The following IL36B variants were observed in gnomAD, a reference collection of about 807,000 sequenced individuals.
IL36B encodes the protein interleukin 36 beta, also known as interleukin-36 beta.
In IL36B, 23 loss-of-function variants were observed where a neutral mutation model predicts 19.3. The observed-to-expected ratio is 1.19, with a 90% CI of 0.86 to 1.69. The LOEUF is 1.69. Ranked by LOEUF, IL36B falls within the 40% of genes most tolerant of loss-of-function variation. IL36B has a pLI of 0.00. For missense variants in IL36B, 217 were observed against 200.5 expected, an observed-to-expected ratio of 1.08 and a Z score of -0.50; for synonymous variants, 59 against 59.7, an observed-to-expected ratio of 0.99 and a Z score of 0.05.
chr2:113,027,400 G>T, intron 4 of IL36B, 33 bp downstream of exon 5: 1 of 908,332 alleles, frequency 1.1e-6, no homozygotes, highest in Non-Finnish European at 1.3e-6. Flanking sequence ...TACACTGTGT[G>T]TCAAATTATT....
At chr2:113,024,841 T>C (rs974052878) in intron 5 of IL36B, among the ~76,000 whole-genome samples, 2 of 152,234 alleles carry the variant, frequency 1.3e-5, no homozygotes, top group African/African-American at 4.8e-5. Flanking sequence ...TTTACAGAAC[T>C]CACATTCTTT....
intron 1 of IL36B, among the ~76,000 whole-genome samples, chr2:113,039,663 G>GA (rs1245128696): frequency 6.6e-6 from 1 of 152,002 alleles, no homozygotes; most frequent in Non-Finnish European, 1.5e-5. Flanking sequence ...GAGGTATCAG[G>GA]AAAAAAAGCA....
In IL36B at chr2:113,022,899, G is replaced by A. The variant is rs1684888232; in HGVS notation, c.392-122C>T. The A allele has an allele frequency of 4.7e-6, 3 of 644,030 alleles. 1 individual carries two copies. In the South Asian group the frequency reaches 5.4e-5, roughly 12 times the overall value. 39.9% of individuals were successfully genotyped at this position (644,030 alleles called of 1,614,324 possible). A position where few individuals can be genotyped will look rare whatever the true frequency, so the allele number is the denominator to read the frequency against. ...AGGCTCCTGGAGGAGATTGGAGTTT[G>A]CCTTCCTCTCAGCCTTACTCACTTG... is the stretch of plus-strand genomic sequence containing the variant. On this transcript the variant is annotated intron_variant, in intron 5 of 5. Coordinates refer to ENST00000259213, the MANE Select transcript of IL36B (RefSeq NM_014438.5).
At chr2:113,049,420 A>G (rs1299641600) in intron 1 of IL36B, among the ~76,000 whole-genome samples, 1 of 152,246 alleles carries the variant, frequency 6.6e-6, no homozygotes, top group Non-Finnish European at 1.5e-5. Flanking sequence ...GAATATATAT[A>G]GAACTCCTGT....
intron 5 of IL36B, among the ~76,000 whole-genome samples, chr2:113,024,948 C>T (rs1243351784): frequency 6.6e-6 from 1 of 152,158 alleles, no homozygotes; most frequent in Non-Finnish European, 1.5e-5. Flanking sequence ...TAGTCATGAC[C>T]TTGTCAGAGA....
intron 1 of IL36B, among the ~76,000 whole-genome samples, chr2:113,035,228 G>A (rs941614366): frequency 1.3e-5 from 2 of 152,128 alleles, no homozygotes; most frequent in African/African-American, 4.8e-5. Context: ...TTGAATCTGG[G>A]ATCTATTCAG....
chr2:113,052,846 A>G lies in IL36B; in HGVS notation c.-87T>C, dbSNP rs1310810109. 4 of 152,256 alleles carry G rather than the reference A, an allele frequency of 2.6e-5. No homozygotes were observed. The highest frequency in any genetic ancestry group is 9.6e-5 in the African/African-American group (4 of 41,464). 9.4% of individuals were successfully genotyped at this position (152,256 alleles called of 1,614,324 possible). On this transcript the variant is annotated 5_prime_UTR_variant, in exon 1 of 6. Transcript: ENST00000259213. ...GAAAAGTGAAGGAGAGGTGAGAAAG[A>G]CAGAGTGGGGAGGAACCCGTGTCTG...
intron 1 of IL36B, among the ~76,000 whole-genome samples, chr2:113,033,537 C>T (rs2105046579): frequency 6.6e-6 from 1 of 152,338 alleles, no homozygotes; most frequent in East Asian, 1.9e-4. Context: ...CTGCACCCGT[C>T]CCACACACAA....
chr2:113,039,690 A>G lies in IL36B; in HGVS notation c.-57-7924T>C, dbSNP rs184347153. Among the ~76,000 whole-genome samples, 3 of 152,376 alleles carry G rather than the reference A, an allele frequency of 2.0e-5. No individual in the cohort carries two copies. The East Asian group carries it at 5.8e-4, about 29-fold the overall frequency. ...AAAAAAGCAAAGAAAAAATTAAAGC[A>G]TGGTAGGAATAAATCCACATATTTC... On this transcript the variant is annotated intron_variant, in intron 1 of 5. Transcript: ENST00000259213.
intron 5 of IL36B, among the ~76,000 whole-genome samples, chr2:113,024,561 G>A (rs1308198754): frequency 6.6e-6 from 1 of 152,140 alleles, no homozygotes; most frequent in Non-Finnish European, 1.5e-5. Context: ...CACAGCTCTC[G>A]ATCCAGGAGA....
Position 113,022,720 on chromosome 2 carries a change from T to C in IL36B, c.449A>G (p.Asp150Gly), listed in dbSNP as rs147745025. 2.7e-5 allele frequency: 43 copies of C among 1,613,408 alleles called. No individual in the cohort carries two copies. The highest frequency in any genetic ancestry group is 3.6e-5 in the Non-Finnish European group (42 of 1,179,462). The change falls in exon 6 of 6, where the codon GAT becomes GGT. Residue 150 changes from aspartate to glycine, a missense_variant. Asp to Gly is a moderately conservative substitution (Grantham distance 94, BLOSUM62 -1). Transcript: ENST00000259213. ...TATGTTGGTCCGCATGGATGAGAAATCTTTGTCCTTCTTCCTGAGATGGTG... is the reference window on the plus strand; with the variant it reads ...TATGTTGGTCCGCATGGATGAGAAACCTTTGTCCTTCTTCCTGAGATGGTG...
rs377429960 is a variant in IL36B at position 113,028,884 on chromosome 2, TGAAATA to T, written c.261+49_261+54del. The T allele has an allele frequency of 1.2e-3, 1,946 of 1,561,530 alleles. 26 individuals carry two copies. In the African/African-American group the frequency reaches 0.023, roughly 18 times the overall value. On this transcript the variant is annotated intron_variant, in intron 4 of 5. Transcript: ENST00000259213. ...TATTTTTATTCAGTAACATAGTAAATGAAATAGAAAGTCCATATGACAGTACTTCTC... is the reference window on the plus strand; with the variant it reads ...TATTTTTATTCAGTAACATAGTAAATGAAAGTCCATATGACAGTACTTCTC...
intron 5 of IL36B, among the ~76,000 whole-genome samples, chr2:113,025,500 A>G (rs1375020750): frequency 1.3e-5 from 2 of 152,208 alleles, no homozygotes; most frequent in Non-Finnish European, 2.9e-5. Flanking sequence ...AAAGAGACAA[A>G]TTTCTGCCTC....
chr2:113,041,240 A>C (rs1685251883), intron 1 of IL36B, among the ~76,000 whole-genome samples: 1 of 152,190 alleles, frequency 6.6e-6, no homozygotes, highest in African/African-American at 2.4e-5. Flanking sequence ...TATCTGTACC[A>C]CAAAATGACA....
chr2:113,036,808 C>T (rs911274360), intron 1 of IL36B, among the ~76,000 whole-genome samples: 9 of 152,194 alleles, frequency 5.9e-5, no homozygotes, highest in Non-Finnish European at 1.2e-4. Context: ...TGGATGATGT[C>T]GGAGGCCCAG....
intron 1 of IL36B, among the ~76,000 whole-genome samples, chr2:113,049,525 G>A (rs994229468): frequency 2.0e-5 from 3 of 152,184 alleles, no homozygotes; most frequent in Non-Finnish European, 4.4e-5. Context: ...TAGCCAATAA[G>A]CACATGAAAG....
chr2:113,040,255 T>C (rs935374858), intron 1 of IL36B, among the ~76,000 whole-genome samples: 1 of 152,176 alleles, frequency 6.6e-6, no homozygotes, highest in African/African-American at 2.4e-5. Context: ...AGAAGAAAAC[T>C]TCAACATGTT....
chr2:113,030,666 C>T (rs1355153608), intron 3 of IL36B, among the ~76,000 whole-genome samples: 6 of 152,084 alleles, frequency 3.9e-5, no homozygotes, highest in African/African-American at 1.4e-4. Context: ...AAGAGGATGC[C>T]AACTTAGAAA....
chr2:113,052,036 C>T (rs535965775), intron 1 of IL36B, among the ~76,000 whole-genome samples: 2 of 151,908 alleles, frequency 1.3e-5, no homozygotes, highest in Admixed American at 6.6e-5. Context: ...GCAACTTTCA[C>T]CTCCTGGGAT....
Sources: gnomAD v4.1 joint callset for allele counts (sites outside exome capture counted in the v4.1 genomes callset) on GRCh38, gnomAD v4.1.1 for gene constraint, MANE v1.5 for transcripts, NCBI Gene and HGNC (gene_info 2026-07-23, HGNC 2026-07-21) for gene names.